The following PXDNL variants were observed in gnomAD, a reference collection of about 807,000 sequenced individuals.
PXDNL encodes the protein peroxidasin like.
Under a neutral mutation model 150.8 loss-of-function variants are expected in PXDNL, and 145 were observed. That is an observed-to-expected ratio of 0.96 (90% CI 0.84 to 1.10). The LOEUF (loss-of-function observed/expected upper bound fraction) is 1.10. Ranked by LOEUF, PXDNL falls within the 50% of genes least tolerant of loss-of-function variation. PXDNL has a pLI of 0.00. For synonymous variants in PXDNL, 757 were observed against 725.7 expected (o/e 1.04, Z -0.69); for missense variants, 2,087 against 1,873.9 (o/e 1.11, Z -2.10).
At chr8:51,556,610 A>G (rs536859977) in intron 4 of PXDNL, among the ~76,000 whole-genome samples, 1 of 152,330 alleles carries the variant, frequency 6.6e-6, no homozygotes, top group African/African-American at 2.4e-5. Context: ...ATGTCACACA[A>G]GTAATAAATG....
chr8:51,325,155 C>T (rs1016782556), intron 21 of PXDNL, among the ~76,000 whole-genome samples: 3 of 152,330 alleles, frequency 2.0e-5, no homozygotes, highest in African/African-American at 7.2e-5. Context: ...TGAGCCACTG[C>T]ACCCAGCTTA....
chr8:51,726,240 C>T (rs1816815051), intron 1 of PXDNL, among the ~76,000 whole-genome samples: 1 of 152,184 alleles, frequency 6.6e-6, no homozygotes, highest in East Asian at 1.9e-4. Context: ...AGTCCCATTA[C>T]CTCTGGCGCC....
In PXDNL at chr8:51,472,437, G is replaced by A. The variant is rs531312383; in HGVS notation, c.695-133C>T. The A allele has an allele frequency of 4.0e-4, 239 of 602,590 alleles. 1 individual carries two copies. The highest frequency in any genetic ancestry group is 4.4e-4 in the Middle Eastern group (1 of 2,288). The allele number at this position is 602,590 out of a possible 1,614,324, so 37.3% of individuals were successfully genotyped here. A position where few individuals can be genotyped will look rare whatever the true frequency, so the allele number is the denominator to read the frequency against. ...TTTACACATCGAACTGCATTTACCC[G>A]GTAATACATGTACCAGGTTAGAGAT... is the stretch of plus-strand genomic sequence containing the variant. On this transcript the variant is annotated intron_variant, in intron 7 of 22. Coordinates refer to ENST00000356297, the MANE Select transcript of PXDNL (RefSeq NM_144651.5).
chr8:51,492,626 G>C (rs1215538597), intron 5 of PXDNL, among the ~76,000 whole-genome samples: 1 of 152,152 alleles, frequency 6.6e-6, no homozygotes, highest in African/African-American at 2.4e-5. Flanking sequence ...TGGCACACCA[G>C]GAGATTGTAT....
chr8:51,391,122 C>T (rs1024320716), intron 17 of PXDNL, among the ~76,000 whole-genome samples: 3 of 152,198 alleles, frequency 2.0e-5, no homozygotes, highest in African/African-American at 7.2e-5. Flanking sequence ...ATATGTGCCA[C>T]ATTTTCTTAA....
intron 8 of PXDNL, among the ~76,000 whole-genome samples, chr8:51,458,104 T>A (rs1393186708): frequency 6.6e-6 from 1 of 152,008 alleles, no homozygotes; most frequent in Non-Finnish European, 1.5e-5. Flanking sequence ...GTAAAAAAAA[T>A]ATTCCTATTC....
At chr8:51,392,770 C>T (rs10092447) in intron 17 of PXDNL, among the ~76,000 whole-genome samples, 191 of 152,298 alleles carry the variant, frequency 1.3e-3, no homozygotes, top group African/African-American at 4.5e-3. Context: ...GAACTTCCAA[C>T]ACTATGTTGA....
chr8:51,415,081 A>G lies in PXDNL; in HGVS notation c.1796-1823T>C, dbSNP rs140983839. Among the ~76,000 whole-genome samples the G allele has an allele frequency of 6.6e-5, 10 of 152,252 alleles. No homozygotes were observed. The East Asian group carries it at 1.9e-3, about 29-fold the overall frequency. Reference sequence around the variant, plus strand: ...TGGCGGGGGGGAGATGGCAGTTGTTACTTTGTAATATTGCATATGCACACA... The same window carrying G: ...TGGCGGGGGGGAGATGGCAGTTGTTGCTTTGTAATATTGCATATGCACACA... On this transcript the variant is annotated intron_variant, in intron 14 of 22. Transcript: ENST00000356297.
intron 2 of PXDNL, among the ~76,000 whole-genome samples, chr8:51,606,712 A>T (rs930830520): frequency 1.3e-5 from 2 of 151,926 alleles, no homozygotes; most frequent in African/African-American, 4.8e-5. Context: ...ATATATCTTT[A>T]TCTAATTCAA....
intron 4 of PXDNL, among the ~76,000 whole-genome samples, chr8:51,548,631 A>G (rs1812415594): frequency 6.6e-6 from 1 of 152,212 alleles, no homozygotes; most frequent in Non-Finnish European, 1.5e-5. Flanking sequence ...TCAGACAAAC[A>G]AATGCTGAGA....
At chr8:51,335,537 C>T (rs1805807633) in intron 21 of PXDNL, among the ~76,000 whole-genome samples, 1 of 152,172 alleles carries the variant, frequency 6.6e-6, no homozygotes, top group Non-Finnish European at 1.5e-5. Context: ...TCTCTAACTT[C>T]TTTTATTAAA....
intron 1 of PXDNL, among the ~76,000 whole-genome samples, chr8:51,759,246 A>G (rs1000648549): frequency 1.3e-5 from 2 of 151,960 alleles, no homozygotes; most frequent in African/African-American, 4.8e-5. Flanking sequence ...TCTCTGTCCA[A>G]ATTTATTCCT....
chr8:51,611,900 G>A (rs1451536383), intron 2 of PXDNL, among the ~76,000 whole-genome samples: 1 of 152,228 alleles, frequency 6.6e-6, no homozygotes, highest in Non-Finnish European at 1.5e-5. Flanking sequence ...GGATGCCGAA[G>A]GGAAGGCCCG....
chr8:51,622,563 A>G (rs1305349445), intron 2 of PXDNL, among the ~76,000 whole-genome samples: 2 of 152,236 alleles, frequency 1.3e-5, no homozygotes, highest in East Asian at 3.8e-4. Context: ...ATTATGATGT[A>G]TTAACATTTA....
chr8:51,508,114 C>G (rs140221383), intron 4 of PXDNL, among the ~76,000 whole-genome samples: 1 of 152,206 alleles, frequency 6.6e-6, no homozygotes, highest in Non-Finnish European at 1.5e-5. Flanking sequence ...TCGATGGCAC[C>G]AAAAGGGCTA....
At chr8:51,480,753 T>C (rs759841544) in intron 6 of PXDNL, among the ~76,000 whole-genome samples, 1 of 152,160 alleles carries the variant, frequency 6.6e-6, no homozygotes, top group Non-Finnish European at 1.5e-5. Context: ...CAAGATCTGA[T>C]GGTTTTATAA....
chr8:51,632,866 TTTTTG>T lies in PXDNL; in HGVS notation c.236+21818_236+21822del, dbSNP rs553661571. The stretch of plus-strand genomic sequence containing the variant: ...GCAATTAAACTATATACCCTTTTGT[TTTTTG>T]TTTTGTTTTGTTTTCTGTAATTTTA... On this transcript the variant is annotated intron_variant, in intron 2 of 22. Transcript: ENST00000356297. Among the ~76,000 whole-genome samples, 25 of 152,182 alleles carry T rather than the reference TTTTTG, an allele frequency of 1.6e-4. No individual in the cohort carries two copies. In the East Asian group the frequency reaches 4.4e-3, roughly 27 times the overall value.
At chr8:51,518,977 G>C (rs1189830184) in intron 4 of PXDNL, among the ~76,000 whole-genome samples, 1 of 152,260 alleles carries the variant, frequency 6.6e-6, no homozygotes, top group East Asian at 1.9e-4. Flanking sequence ...AATAAACAAG[G>C]ACTCCAGGAT....
In PXDNL at chr8:51,535,298, T is replaced by A. The variant is rs1204335283; in HGVS notation, c.380+21542A>T. 3.7e-3 allele frequency among the ~76,000 whole-genome samples: 371 copies of A among 100,924 alleles called. 7 individuals carry two copies. Among genetic ancestry groups the A allele is most frequent in the Admixed American group, 5.5e-3 (60 of 10,874 alleles). 66.2% of individuals were successfully genotyped at this position (100,924 alleles called of 152,430 possible). A position where few individuals can be genotyped will look rare whatever the true frequency, so the allele number is the denominator to read the frequency against. On this transcript the variant is annotated intron_variant, in intron 4 of 22. Transcript: ENST00000356297. ...AAAGGCGGGAAGGGTGGGGAAAAAA[T>A]TGAGAAATCGGATGGTTGCCGGGTC...
Sources: allele counts gnomAD v4.1 joint callset (sites outside exome capture counted in the v4.1 genomes callset), GRCh38; gene constraint gnomAD v4.1.1; transcripts MANE v1.5; gene names NCBI Gene and HGNC (gene_info 2026-07-23, HGNC 2026-07-21).